The following PAPSS2 variants were observed in gnomAD, a reference collection of about 807,000 sequenced individuals.
The protein encoded by PAPSS2 is 3'-phosphoadenosine 5'-phosphosulfate synthase 2.
Under a neutral mutation model 66.5 loss-of-function variants are expected in PAPSS2, and 61 were observed. The observed-to-expected ratio is 0.92, with a 90% CI of 0.75 to 1.14. PAPSS2 has a LOEUF of 1.14. Among genes scored for constraint, PAPSS2 ranks in the 50% most tolerant of loss-of-function variants. PAPSS2 has a pLI of 0.00. For missense variants in PAPSS2, 708 were observed against 789.6 expected (o/e 0.90, Z 1.24); for synonymous variants, 289 against 287.5 (o/e 1.01, Z -0.05).
rs1853516036 is a variant in PAPSS2, at chr10:87,715,046, T to C, written c.701T>C (p.Leu234Pro). The change falls in exon 6 of 13, where the codon CTT becomes CCT. Residue 234 changes from leucine (L) to proline (P), a missense_variant. Transcript: ENST00000456849. ...IHELFVPENKLDHVRAEAETL... is the reference protein window; with the variant it reads ...IHELFVPENKPDHVRAEAETL... ...GAACTCTTTGTGCCGGAAAACAAAC[T>C]TGACCACGTCCGAGCTGAGGCTGAA... 33 of 1,613,606 alleles carry C rather than the reference T, an allele frequency of 2.0e-5. No homozygotes were observed. Among genetic ancestry groups the C allele is most frequent in the Non-Finnish European group, 2.7e-5 (32 of 1,179,614 alleles).
chr10:87,741,508 C>T (rs1853869714), intron 10 of PAPSS2, 138 bp downstream of exon 10: 2 of 734,048 alleles, frequency 2.7e-6, no homozygotes, highest in East Asian at 2.9e-5. Flanking sequence ...AATTCTCCTG[C>T]CTCAGCCTCC....
intron 10 of PAPSS2, 48 bp downstream of exon 10, chr10:87,741,418 G>A (rs566304592): frequency 6.6e-7 from 1 of 1,523,452 alleles, no homozygotes; most frequent in Admixed American, 1.7e-5. Context: ...TTATTGAGAT[G>A]GTGTCTTGTT....
At chr10:87,683,952 C>A (rs1853057242) in intron 1 of PAPSS2, among the ~76,000 whole-genome samples, 1 of 152,158 alleles carries the variant, frequency 6.6e-6, no homozygotes, top group African/African-American at 2.4e-5. Flanking sequence ...ACCTTGGCCT[C>A]CCAAAATGCT....
chr10:87,704,631 T>C (rs1853359626), intron 1 of PAPSS2, among the ~76,000 whole-genome samples: 1 of 152,128 alleles, frequency 6.6e-6, no homozygotes, highest in South Asian at 2.1e-4. Flanking sequence ...CTCATCTGCT[T>C]ACTTTTTTTT....
At chr10:87,698,850 G>A (rs1456674380) in intron 1 of PAPSS2, among the ~76,000 whole-genome samples, 7 of 152,212 alleles carry the variant, frequency 4.6e-5, no homozygotes, top group Non-Finnish European at 7.4e-5. Flanking sequence ...GCAAGACCTC[G>A]TTTCTAAAAA....
chr10:87,726,483 T>C (rs1046149112), intron 8 of PAPSS2, among the ~76,000 whole-genome samples: 1 of 152,188 alleles, frequency 6.6e-6, no homozygotes, highest in African/African-American at 2.4e-5. Flanking sequence ...ACTAAGAGGA[T>C]AATTGGATTT....
chr10:87,691,573 G>A (rs1221036509), intron 1 of PAPSS2, among the ~76,000 whole-genome samples: 4 of 152,056 alleles, frequency 2.6e-5, no homozygotes, highest in African/African-American at 9.7e-5. Flanking sequence ...CCTGGGGATG[G>A]TCCTGGGAAT....
intron 7 of PAPSS2, among the ~76,000 whole-genome samples, chr10:87,718,124 C>G (rs1481412233): frequency 6.6e-6 from 1 of 151,708 alleles, no homozygotes; most frequent in East Asian, 1.9e-4. Flanking sequence ...CTCACTGCAA[C>G]CTCTGCCTCC....
At chr10:87,687,548 G>A (rs1020945840) in intron 1 of PAPSS2, among the ~76,000 whole-genome samples, 1 of 152,192 alleles carries the variant, frequency 6.6e-6, no homozygotes, top group Admixed American at 6.5e-5. Context: ...ATAGAGAGTA[G>A]AATAGTGGTT....
intron 1 of PAPSS2, among the ~76,000 whole-genome samples, chr10:87,666,507 T>G (rs1852817992): frequency 6.6e-6 from 1 of 151,954 alleles, no homozygotes; most frequent in Non-Finnish European, 1.5e-5. Flanking sequence ...GATTTAATCC[T>G]TTTTCCCTAG....
intron 1 of PAPSS2, among the ~76,000 whole-genome samples, chr10:87,664,376 A>G (rs1852790190): frequency 6.6e-6 from 1 of 152,226 alleles, no homozygotes; most frequent in African/African-American, 2.4e-5. Flanking sequence ...GCCAAGAAAG[A>G]TAATCCATGC....
chr10:87,662,138 A>G (rs1340886488), intron 1 of PAPSS2, among the ~76,000 whole-genome samples: 1 of 152,190 alleles, frequency 6.6e-6, no homozygotes, highest in Non-Finnish European at 1.5e-5. Flanking sequence ...TCTTATAGGA[A>G]TCATCACATT....
At position 87,743,534 on chromosome 10, in the gene PAPSS2, T is replaced by TG; in HGVS notation, c.1386dup (p.Arg463AlafsTer64). ...CAAGGATGACGATGTGCCTCTAGAC[T>TG]GGCGGATGAAGCAGCACGCGGCTGT... On this transcript the variant is annotated frameshift_variant, in exon 11 of 13. Coordinates refer to ENST00000456849, the MANE Select transcript of PAPSS2 (RefSeq NM_001015880.2). LOFTEE classifies it high-confidence loss of function. 1 of 1,614,114 alleles carries TG rather than the reference T, an allele frequency of 6.2e-7. No homozygotes were observed. Among genetic ancestry groups the TG allele is most frequent in the Non-Finnish European group, 8.5e-7 (1 of 1,180,004 alleles).
intron 7 of PAPSS2, among the ~76,000 whole-genome samples, chr10:87,717,009 A>G (rs1372879520): frequency 1.3e-5 from 2 of 152,224 alleles, no homozygotes; most frequent in African/African-American, 4.8e-5. Context: ...TGATTTGCTC[A>G]TAACATTCAT....
intron 1 of PAPSS2, among the ~76,000 whole-genome samples, chr10:87,689,068 C>T (rs564126190): frequency 1.3e-4 from 20 of 152,074 alleles, no homozygotes; most frequent in Non-Finnish European, 2.5e-4. Flanking sequence ...GGGCCAGTTG[C>T]GGTGGCTCAC....
At chr10:87,689,684 A>G (rs1396141242) in intron 1 of PAPSS2, among the ~76,000 whole-genome samples, 109 of 112,864 alleles carry the variant, frequency 9.7e-4, no homozygotes, top group African/African-American at 5.1e-3. Flanking sequence ...AAAAAAAAAG[A>G]AAAAAAAAAA....
chr10:87,696,434 A>G (rs2131918052), intron 1 of PAPSS2, among the ~76,000 whole-genome samples: 1 of 152,332 alleles, frequency 6.6e-6, no homozygotes, highest in East Asian at 1.9e-4. Flanking sequence ...CACTTTGGAG[A>G]GACAAAAGGG....
intron 9 of PAPSS2, among the ~76,000 whole-genome samples, chr10:87,729,429 C>T (rs1451343470): frequency 6.6e-6 from 1 of 152,012 alleles, no homozygotes; most frequent in African/African-American, 2.4e-5. Flanking sequence ...TTTGATGTTA[C>T]TATTGTAATT....
In PAPSS2 at chr10:87,746,067, A is replaced by ATT. The variant is rs1853934971; in HGVS notation, c.*100_*101dup. The ATT allele has an allele frequency of 2.6e-6, 3 of 1,161,076 alleles. No individual in the cohort carries two copies. Among genetic ancestry groups the ATT allele is most frequent in the Non-Finnish European group, 3.8e-6 (3 of 790,684 alleles). 71.9% of individuals were successfully genotyped at this position (1,161,076 alleles called of 1,614,324 possible). A position where few individuals can be genotyped will look rare whatever the true frequency, so the allele number is the denominator to read the frequency against. ...GTATTAAATTGCTTCTCAATGATGC[A>ATT]TTTTAATCTTTTATAATGAAGTAAA... On this transcript the variant is annotated 3_prime_UTR_variant, in exon 13 of 13. Transcript: ENST00000456849.
Sources: allele counts gnomAD v4.1 joint callset (sites outside exome capture counted in the v4.1 genomes callset), GRCh38; gene constraint gnomAD v4.1.1; transcripts MANE v1.5; gene names NCBI Gene and HGNC (gene_info 2026-07-23, HGNC 2026-07-21).